TTC7A: variants seen among roughly 807,000 people sequenced by gnomAD.
TTC7A encodes tetratricopeptide repeat domain 7A.
TTC7A carries 110 observed loss-of-function variants against 103.7 expected under a neutral mutation model. The ratio of observed to expected loss-of-function variants is 1.06; its 90% CI spans 0.91 to 1.24. The LOEUF (loss-of-function observed/expected upper bound fraction) is 1.24. Among genes scored for constraint, TTC7A ranks in the 50% most tolerant of loss-of-function variants. The pLI, the probability that TTC7A is intolerant of heterozygous loss-of-function variation, is 0.00. For missense variants in TTC7A, 1,340 were observed against 1,116.3 expected (o/e 1.20, Z -2.86); for synonymous variants, 521 against 467.9 (o/e 1.11, Z -1.47).
intron 2 of TTC7A, among the ~76,000 whole-genome samples, chr2:46,953,338 A>T (rs1019958947): frequency 6.6e-6 from 1 of 152,174 alleles, no homozygotes; most frequent in Admixed American, 6.5e-5. Context: ...ATTTTTTTGT[A>T]GAGACAAAGT....
intron 8 of TTC7A, among the ~76,000 whole-genome samples, chr2:46,996,965 G>GGTTGTTGTT (rs375926625): frequency 5.0e-4 from 53 of 106,838 alleles, no homozygotes; most frequent in African/African-American, 1.7e-3. Context: ...TTTTTGTGGT[G>GGTTGTTGTT]GTTGTTGTTG....
chr2:46,916,653 T>C (rs1668806551), intron 1 of TTC7A: 2 of 157,692 alleles, frequency 1.3e-5, no homozygotes, highest in South Asian at 3.7e-4. Context: ...TTGTTTTGTT[T>C]TGAGACGGAG....
At chr2:46,983,931 G>A (rs1021910688) in intron 5 of TTC7A, among the ~76,000 whole-genome samples, 2 of 152,172 alleles carry the variant, frequency 1.3e-5, no homozygotes, top group East Asian at 1.9e-4. Context: ...AGTGGATTTC[G>A]TGGGGAGGGG....
chr2:46,928,852 A>G (rs1404023467), intron 2 of TTC7A, among the ~76,000 whole-genome samples: 7 of 152,192 alleles, frequency 4.6e-5, no homozygotes, highest in Non-Finnish European at 1.0e-4. Context: ...TAGGGGGGGA[A>G]GCTTTAAAAG....
At chr2:46,979,995 C>T (rs1035645557) in intron 5 of TTC7A, among the ~76,000 whole-genome samples, 1 of 152,200 alleles carries the variant, frequency 6.6e-6, no homozygotes, top group Non-Finnish European at 1.5e-5. Flanking sequence ...ACCACCTCCT[C>T]ACACACAAGG....
chr2:46,975,224 CA>C lies in TTC7A; in HGVS notation c.648+124del, dbSNP rs1673761800. ...AGAAGAAGTCACCTTCTCTGTCCCC[CA>C]AAGACACTCTACTTCATAGTTGGAA... is the stretch of plus-strand genomic sequence containing the variant. On this transcript the variant is annotated intron_variant, in intron 4 of 19. Transcript: ENST00000319190. The C allele has an allele frequency of 5.4e-6, 7 of 1,293,806 alleles. No individual in the cohort carries two copies. In the Admixed American group the frequency reaches 1.4e-4, roughly 26 times the overall value. The allele number at this position is 1,293,806 out of a possible 1,614,324, so 80.1% of individuals were successfully genotyped here.
At chr2:46,958,789 T>G (rs1672126112) in intron 3 of TTC7A, among the ~76,000 whole-genome samples, 1 of 152,202 alleles carries the variant, frequency 6.6e-6, no homozygotes, top group Non-Finnish European at 1.5e-5. Flanking sequence ...CTGCCTGGGT[T>G]TGGGGGATCC....
chr2:46,957,215 C>T (rs1671954460), intron 3 of TTC7A, among the ~76,000 whole-genome samples: 1 of 152,230 alleles, frequency 6.6e-6, no homozygotes, highest in African/African-American at 2.4e-5. Context: ...GATTCTCGCC[C>T]TGGCTCTGTC....
At chr2:46,976,068 C>T (rs1326311600) in intron 4 of TTC7A, among the ~76,000 whole-genome samples, 3 of 151,746 alleles carry the variant, frequency 2.0e-5, no homozygotes, top group African/African-American at 7.3e-5. Flanking sequence ...TAATACTATG[C>T]CATGAGGGGC....
chr2:46,953,513 T>C (rs1164417897), intron 2 of TTC7A, among the ~76,000 whole-genome samples: 1 of 152,184 alleles, frequency 6.6e-6, no homozygotes, highest in Non-Finnish European at 1.5e-5. Flanking sequence ...GGCGTGACCT[T>C]TCTTGGCAGC....
At chr2:47,061,148 G>A (rs1418483489) in intron 19 of TTC7A, among the ~76,000 whole-genome samples, 177 bp downstream of exon 19, 2 of 152,304 alleles carry the variant, frequency 1.3e-5, no homozygotes, top group East Asian at 3.9e-4. Context: ...CAGTTCTTGG[G>A]ATACTTAGCC....
chr2:47,022,415 A>G (rs867885939), intron 12 of TTC7A, among the ~76,000 whole-genome samples: 4 of 152,036 alleles, frequency 2.6e-5, no homozygotes, highest in African/African-American at 9.7e-5. Context: ...ATCCCCCTCA[A>G]TACGTGGCAT....
chr2:46,943,548 A>G (rs542340587), intron 1 of TTC7A, among the ~76,000 whole-genome samples: 2 of 152,328 alleles, frequency 1.3e-5, no homozygotes, highest in Admixed American at 1.3e-4. Flanking sequence ...ACATAGTCAT[A>G]CATGCATATG....
In TTC7A at chr2:46,941,394, C is replaced by T; in HGVS notation, c.-148C>T. 3 of 711,162 alleles carry T rather than the reference C, an allele frequency of 4.2e-6. No individual in the cohort carries two copies. Among genetic ancestry groups the T allele is most frequent in the Non-Finnish European group, 5.6e-6 (3 of 536,508 alleles). The allele number at this position is 711,162 out of a possible 1,614,324, so 44.1% of individuals were successfully genotyped here. A position where few individuals can be genotyped will look rare whatever the true frequency, so the allele number is the denominator to read the frequency against. ...GCTGCTGCTGCTGCTGCCCACCCTC[C>T]GCCGCCCGGGCCCCCGCTGCCGCCC... On this transcript the variant is annotated 5_prime_UTR_variant, in exon 1 of 20. Transcript: ENST00000319190. The surrounding 1 kb of genome is among the most constrained non-coding windows in gnomAD (Gnocchi z 4.2).
rs541931830 is a variant in TTC7A at position 47,000,132 on chromosome 2, TG to T, written c.1065+4934del. 1.1e-3 allele frequency among the ~76,000 whole-genome samples: 167 copies of T among 152,322 alleles called. 1 individual carries two copies. In the East Asian group the frequency reaches 0.015, roughly 13 times the overall value. On this transcript the variant is annotated intron_variant, in intron 8 of 19. Coordinates refer to ENST00000319190, the MANE Select transcript of TTC7A (RefSeq NM_020458.4). ...TGTGAAGTGCCTGGTACATTTTGGT[TG>T]TTCAATATGTCCTGATAAATTTCCT...
intron 1 of TTC7A, among the ~76,000 whole-genome samples, chr2:46,942,407 C>T (rs1012829971): frequency 6.6e-6 from 1 of 152,148 alleles, no homozygotes; most frequent in Admixed American, 6.5e-5. Flanking sequence ...TTCAGCTTAC[C>T]CTCCCTGAGT....
intron 2 of TTC7A, among the ~76,000 whole-genome samples, chr2:46,934,091 A>G (rs1558481899): frequency 6.6e-6 from 1 of 152,214 alleles, no homozygotes; most frequent in African/African-American, 2.4e-5. Flanking sequence ...CATCCATAAT[A>G]AATTTTTGAG....
At position 47,011,244 on chromosome 2, in the gene TTC7A, C is replaced by A. The variant is rs61155978; in HGVS notation, c.1288-87C>A. The A allele has an allele frequency of 0.037, 46,555 of 1,257,454 alleles. 1,038 individuals carry two copies. The highest frequency in any genetic ancestry group is 0.049 in the African/African-American group (3,316 of 68,340). 77.9% of individuals were successfully genotyped at this position (1,257,454 alleles called of 1,614,324 possible). A position where few individuals can be genotyped will look rare whatever the true frequency, so the allele number is the denominator to read the frequency against. On this transcript the variant is annotated intron_variant, in intron 10 of 19. Transcript: ENST00000319190. ...GAGAGCAAAGGGATACAGAGCAAGG[C>A]TTGGTTGTTTGGGAAGCTCGCCCCA...
Position 47,074,038 on chromosome 2 carries a change from T to G in TTC7A, c.*115T>G. The G allele has an allele frequency of 1.3e-6, 1 of 747,708 alleles. No homozygotes were observed. The highest frequency in any genetic ancestry group is 2.2e-6 in the Non-Finnish European group (1 of 462,240). 46.3% of individuals were successfully genotyped at this position (747,708 alleles called of 1,614,324 possible). A position where few individuals can be genotyped will look rare whatever the true frequency, so the allele number is the denominator to read the frequency against. ...GCGGGGCCTCAGGGAAATACATCTT[T>G]AGTGAACGCCTCTGCAGCTGCAGCC... On this transcript the variant is annotated 3_prime_UTR_variant, in exon 20 of 20. Coordinates refer to ENST00000319190, the MANE Select transcript of TTC7A (RefSeq NM_020458.4).
Sources: allele counts gnomAD v4.1 joint callset (sites outside exome capture counted in the v4.1 genomes callset), GRCh38; gene constraint gnomAD v4.1.1; non-coding constraint Gnocchi (gnomAD v3.1); transcripts MANE v1.5; gene names NCBI Gene and HGNC (gene_info 2026-07-23, HGNC 2026-07-21).